Variants in ANKRD30A observed in about 807,000 individuals in gnomAD.
The protein encoded by ANKRD30A is ankyrin repeat domain-containing protein 30A.
In ANKRD30A, 170 loss-of-function variants were observed where a neutral mutation model predicts 166.3. That is an observed-to-expected ratio of 1.02 (90% confidence interval 0.90 to 1.16). The LOEUF is 1.16. Ranked by LOEUF, ANKRD30A falls within the 50% of genes most tolerant of loss-of-function variation. The pLI is 0.00. For missense variants in ANKRD30A, 1,630 were observed against 1,518.0 expected, an observed-to-expected ratio of 1.07 and a Z score of -1.23; for synonymous variants, 564 against 508.9, an observed-to-expected ratio of 1.11 and a Z score of -1.46.
intron 5 of ANKRD30A, among the ~76,000 whole-genome samples, chr10:37,134,655 C>T (rs1308070796): frequency 1.3e-5 from 2 of 152,210 alleles, no homozygotes; most frequent in Non-Finnish European, 2.9e-5. Flanking sequence ...CAGCACCCTG[C>T]TCTGGCAGCT....
At position 37,129,959 on chromosome 10, in the gene ANKRD30A, G is replaced by C; in HGVS notation, c.288G>C (p.Lys96Asn). The C allele has an allele frequency of 1.3e-6, 2 of 1,580,392 alleles. No homozygotes were observed. The highest frequency in any genetic ancestry group is 8.6e-7 in the Non-Finnish European group (1 of 1,161,248). Residue 96 changes from lysine (K) to asparagine (N), a missense_variant, in exon 2 of 36, where the codon AAG (lysine) becomes AAC (asparagine). Physicochemically the swap from Lys to Asn is moderately conservative, Grantham distance 94. Coordinates refer to ENST00000361713, the MANE Select transcript of ANKRD30A (RefSeq NM_052997.3). ...EEVVTFLVDR[K>N]CQLDVLDGEH... ...TAGTAACATTTCTGGTAGACAGAAA[G>C]TGCCAGCTTGACGTCCTTGATGGCG...
Position 37,219,481 on chromosome 10 carries a change from CAAAGG to C in ANKRD30A, c.3773_3777del (p.Arg1258IlefsTer7). 6.2e-7 allele frequency: 1 copy of C among 1,610,088 alleles called. No individual in the cohort carries two copies. Among genetic ancestry groups the C allele is most frequent in the Non-Finnish European group, 8.5e-7 (1 of 1,177,592 alleles). On this transcript the variant is annotated frameshift_variant, in exon 34 of 36. Transcript: ENST00000361713. LOFTEE classifies it high-confidence loss of function. The stretch of plus-strand genomic sequence containing the variant: ...GCTCCATCAACCACTTTCTGAAGCT[CAAAGG>C]AAATCCAAAAGCCTAAAAATTAATC...
the ANKRD30A span, among the ~76,000 whole-genome samples, chr10:37,246,609 T>C: frequency 6.6e-6 from 1 of 152,224 alleles, no homozygotes; most frequent in African/African-American, 2.4e-5. Flanking sequence ...ATTCTCCTAC[T>C]TCGGCCAGGC....
chr10:37,178,755 G>T (rs1337613463), intron 24 of ANKRD30A, among the ~76,000 whole-genome samples: 1 of 144,348 alleles, frequency 6.9e-6, no homozygotes, highest in African/African-American at 2.5e-5. Context: ...AGAATCAAGA[G>T]CACAAGTCTA....
the ANKRD30A span, among the ~76,000 whole-genome samples, chr10:37,253,650 T>C: frequency 2.8e-5 from 2 of 71,704 alleles, no homozygotes; most frequent in Non-Finnish European, 6.9e-5. Flanking sequence ...TTTCTTTTTC[T>C]TTTTTTTTTT....
intron 31 of ANKRD30A, among the ~76,000 whole-genome samples, chr10:37,202,193 C>G (rs920993267): frequency 2.0e-5 from 3 of 151,762 alleles, no homozygotes; most frequent in African/African-American, 7.3e-5. Flanking sequence ...TTTTAGCCAG[C>G]GGAGAAGAAG....
chr10:37,144,930 A>G, intron 7 of ANKRD30A, 65 bp from the exon 8 acceptor site: 5 of 1,206,224 alleles, frequency 4.1e-6, no homozygotes, highest in Non-Finnish European at 3.6e-6. Flanking sequence ...ATAGATTTGT[A>G]TATGTTTTAA....
intron 27 of ANKRD30A, among the ~76,000 whole-genome samples, chr10:37,196,234 C>T (rs375204687): frequency 2.6e-4 from 39 of 151,840 alleles, no homozygotes; most frequent in East Asian, 1.7e-3. Context: ...AGATTATTTG[C>T]ACTCCAGAAT....
chr10:37,126,199 G>A lies in ANKRD30A; in HGVS notation c.221+191G>A, dbSNP rs1836000518. 2.0e-5 allele frequency among the ~76,000 whole-genome samples: 3 copies of A among 152,288 alleles called. No homozygotes were observed. In the South Asian group the frequency reaches 6.2e-4, roughly 32 times the overall value. On this transcript the variant is annotated intron_variant, in intron 1 of 35. Transcript: ENST00000361713. ...GGGCAGGCCCCCAGGCTTGGGATGC[G>A]GGGTCCCTGCAGGGCGGAGGGCCCA...
rs568224884 is a variant in ANKRD30A, at chr10:37,209,165, C to A, written c.2870-7016C>A. Among the ~76,000 whole-genome samples the A allele has an allele frequency of 4.6e-5, 7 of 152,216 alleles. No individual in the cohort carries two copies. In the South Asian group the frequency reaches 1.2e-3, roughly 27 times the overall value. ...GCAGTTCTCTTGTTTGTAATAATAT[C>A]ATCTGGTTTTGATTTAGAGTAATGC... On this transcript the variant is annotated intron_variant, in intron 31 of 35. Coordinates refer to ENST00000361713, the MANE Select transcript of ANKRD30A (RefSeq NM_052997.3).
Position 37,141,934 on chromosome 10 carries a change from C to T in ANKRD30A, c.1037C>T (p.Thr346Ile), listed in dbSNP as rs776119578. 5 of 1,614,204 alleles carry T rather than the reference C, an allele frequency of 3.1e-6. No homozygotes were observed. The East Asian group carries it at 1.1e-4, about 36-fold the overall frequency. Residue 346 changes from threonine to isoleucine, a missense_variant, in exon 7 of 36, where the codon ACA becomes ATA. Transcript: ENST00000361713. The part of the protein sequence containing the change: ...SDKIQCLEKA[T>I]SGKFEQSAEE... ...AAAATTCAATGTTTGGAGAAAGCGACATCTGGAAAGTTCGAACAGTCAGCA... is the reference window on the plus strand; with the variant it reads ...AAAATTCAATGTTTGGAGAAAGCGATATCTGGAAAGTTCGAACAGTCAGCA...
chr10:37,140,633 G>A (rs1447702708), intron 6 of ANKRD30A, among the ~76,000 whole-genome samples: 2 of 152,106 alleles, frequency 1.3e-5, no homozygotes, highest in Non-Finnish European at 2.9e-5. Context: ...ATAGTAATTT[G>A]TTACAACAAG....
Position 37,219,887 on chromosome 10 carries a change from C to G in ANKRD30A, c.4175C>G (p.Ala1392Gly). ...ATATATCAATATGAAAAAGAGAAAGCAGAAACAGAAGTAAGTATCAAAAAA... is the reference window on the plus strand; with the variant it reads ...ATATATCAATATGAAAAAGAGAAAGGAGAAACAGAAGTAAGTATCAAAAAA... ...NRIYQYEKEKAETENS is the reference protein window; with the variant it reads ...NRIYQYEKEKGETENS Residue 1392 changes from alanine (A) to glycine (G), a missense_variant, in exon 34 of 36, where the codon GCA becomes GGA. By Grantham distance (60) the Ala-to-Gly change is moderately conservative (BLOSUM62 0). Transcript: ENST00000361713. 2 of 1,502,822 alleles carry G rather than the reference C, an allele frequency of 1.3e-6. No individual in the cohort carries two copies. Among genetic ancestry groups the G allele is most frequent in the Non-Finnish European group, 1.8e-6 (2 of 1,124,822 alleles). The allele number at this position is 1,502,822 out of a possible 1,614,324, so 93.1% of individuals were successfully genotyped here.
the ANKRD30A span, among the ~76,000 whole-genome samples, chr10:37,243,387 G>A: frequency 6.7e-6 from 1 of 150,274 alleles, no homozygotes; most frequent in Admixed American, 6.7e-5. Context: ...CTCGTGATCC[G>A]CCCGCCTCGG....
rs757707796 is a variant in ANKRD30A at position 37,130,324 on chromosome 10, G to A, written c.456G>A (p.Leu152=). Residue 152 remains leucine (L), a synonymous_variant, in exon 3 of 36, where the codon TTG becomes TTA. Coordinates refer to ENST00000361713, the MANE Select transcript of ANKRD30A (RefSeq NM_052997.3). ...ATTATGCTGTTTATAGTGAGATTTT[G>A]TCAGTGGTGGCAAAACTGCTGTCCC... ...ALHYAVYSEI[L]SVVAKLLSHG... is the part of the protein sequence containing the mutation. 6.3e-7 allele frequency: 1 copy of A among 1,587,530 alleles called. No homozygotes were observed. Among genetic ancestry groups the A allele is most frequent in the Non-Finnish European group, 8.6e-7 (1 of 1,167,592 alleles).
downstream of ANKRD30A, among the ~76,000 whole-genome samples, chr10:37,236,735 T>A (rs915086790): frequency 6.6e-6 from 1 of 152,228 alleles, no homozygotes; most frequent in Non-Finnish European, 1.5e-5. Context: ...GTATGCTAGA[T>A]GGCAAAGAGA....
chr10:37,226,368 T>C (rs1843155129), intron 34 of ANKRD30A, among the ~76,000 whole-genome samples: 2 of 150,886 alleles, frequency 1.3e-5, no homozygotes, highest in Admixed American at 6.6e-5. Flanking sequence ...GTTTGGTTTT[T>C]TGTCCTTGCA....
At chr10:37,189,788 G>C (rs1336032944) in intron 25 of ANKRD30A, among the ~76,000 whole-genome samples, 1 of 150,612 alleles carries the variant, frequency 6.6e-6, no homozygotes, top group Non-Finnish European at 1.5e-5. Context: ...ATTCCAAGAC[G>C]TGAGGAAAAT....
chr10:37,254,683 CTTTTTTT>C, the ANKRD30A span, among the ~76,000 whole-genome samples: 6 of 126,540 alleles, frequency 4.7e-5, no homozygotes, highest in Admixed American at 4.0e-4. Flanking sequence ...CTTTTCTTTT[CTTTTTTT>C]TTTTTTTTTT....
Sources: allele counts gnomAD v4.1 joint callset (sites outside exome capture counted in the v4.1 genomes callset), GRCh38; gene constraint gnomAD v4.1.1; transcripts MANE v1.5; gene names NCBI Gene and HGNC (gene_info 2026-07-23, HGNC 2026-07-21).